Variants in KCNIP1 observed in about 807,000 individuals in gnomAD.
KCNIP1 encodes the protein A-type potassium channel modulatory protein KCNIP1.
A neutral mutation model predicts 33.0 loss-of-function variants in KCNIP1; 18 were observed. That is an observed-to-expected ratio of 0.55 (90% CI 0.38 to 0.81). KCNIP1 has a LOEUF of 0.81. Among genes scored for constraint, KCNIP1 ranks in the 30% least tolerant of loss-of-function variants. The pLI is 0.00. For synonymous variants in KCNIP1, 93 were observed against 98.3 expected, an observed-to-expected ratio of 0.95 and a Z score of 0.32; for missense variants, 238 against 271.6, an observed-to-expected ratio of 0.88 and a Z score of 0.87.
intron 1 of KCNIP1, among the ~76,000 whole-genome samples, chr5:170,626,027 G>A (rs1222150335): frequency 1.1e-4 from 16 of 152,198 alleles, no homozygotes; most frequent in African/African-American, 3.1e-4. Context: ...GGTGAGTGGC[G>A]TGGGATAAGG....
chr5:170,663,767 G>A (rs777998032), intron 1 of KCNIP1, among the ~76,000 whole-genome samples: 9 of 151,816 alleles, frequency 5.9e-5, no homozygotes, highest in South Asian at 2.1e-4. Flanking sequence ...AGTCTGCACC[G>A]AAATCTCTCT....
At chr5:170,596,868 C>T (rs1758457398) in intron 1 of KCNIP1, among the ~76,000 whole-genome samples, 1 of 152,214 alleles carries the variant, frequency 6.6e-6, no homozygotes, top group African/African-American at 2.4e-5. Context: ...AATCAAGGAT[C>T]AGAGCTTCTG....
intron 5 of KCNIP1, among the ~76,000 whole-genome samples, chr5:170,725,565 C>CA (rs1161193893): frequency 1.3e-5 from 2 of 151,154 alleles, no homozygotes; most frequent in South Asian, 2.1e-4. Context: ...TCAATGGGTA[C>CA]AAAAAAAATA....
chr5:170,378,487 C>T, intron 1 of KCNIP1: 1 of 585,388 alleles, frequency 1.7e-6, no homozygotes, highest in South Asian at 2.4e-5. Flanking sequence ...GCCTTATGGC[C>T]TCCAAGGCAT....
chr5:170,658,000 G>T (rs980229455), intron 1 of KCNIP1, among the ~76,000 whole-genome samples: 1 of 152,174 alleles, frequency 6.6e-6, no homozygotes, highest in Non-Finnish European at 1.5e-5. Context: ...CTCTCTAAGA[G>T]GTATCTAAGC....
intron 1 of KCNIP1, among the ~76,000 whole-genome samples, chr5:170,594,186 C>T (rs79150177): frequency 2.6e-5 from 4 of 152,284 alleles, no homozygotes; most frequent in East Asian, 1.9e-4. Flanking sequence ...TATGAAGCAC[C>T]GTAGGAGTTC....
chr5:170,698,815 C>T (rs1199599882), intron 1 of KCNIP1, among the ~76,000 whole-genome samples: 1 of 152,210 alleles, frequency 6.6e-6, no homozygotes, highest in African/African-American at 2.4e-5. Flanking sequence ...TTCATTATCT[C>T]ATTTAAATCT....
At chr5:170,428,166 C>T (rs1755654484) in intron 1 of KCNIP1, among the ~76,000 whole-genome samples, 2 of 152,000 alleles carry the variant, frequency 1.3e-5, no homozygotes, top group Admixed American at 6.6e-5. Flanking sequence ...ATTTGCTCTA[C>T]ATAAGAAAAA....
chr5:170,616,506 G>T (rs553189903), intron 1 of KCNIP1, among the ~76,000 whole-genome samples: 2 of 152,190 alleles, frequency 1.3e-5, no homozygotes, highest in Non-Finnish European at 2.9e-5. Flanking sequence ...TTCAGAGTCA[G>T]GTTGGAAGGA....
intron 1 of KCNIP1, among the ~76,000 whole-genome samples, chr5:170,381,574 C>T (rs1009800874): frequency 2.0e-5 from 3 of 152,232 alleles, no homozygotes; most frequent in Non-Finnish European, 4.4e-5. Context: ...ACACGAAGGG[C>T]ATTTCCACTG....
upstream of KCNIP1, among the ~76,000 whole-genome samples, chr5:170,501,206 G>C (rs546498318): frequency 1.3e-5 from 2 of 152,304 alleles, no homozygotes; most frequent in African/African-American, 4.8e-5. Flanking sequence ...GGGCCAGGGA[G>C]GGATCCCTGG....
chr5:170,456,725 C>CTTTCT (rs750736509), intron 1 of KCNIP1, among the ~76,000 whole-genome samples: 14 of 144,430 alleles, frequency 9.7e-5, no homozygotes, highest in South Asian at 4.4e-4. Context: ...TTCTTTCTTT[C>CTTTCT]TTGTTTCTTT....
At position 170,679,900 on chromosome 5, in the gene KCNIP1, C is replaced by T. The variant is rs553304218; in HGVS notation, c.62-38858C>T. Among the ~76,000 whole-genome samples, 71 of 152,028 alleles carry T rather than the reference C, an allele frequency of 4.7e-4. 2 individuals carry two copies. The South Asian group carries it at 9.2e-3, about 20-fold the overall frequency. ...TCTTTCAGTCTTTTACTGTTATAAACGAATGATGCAATGAATATCCTTGTA... is the reference window on the plus strand; with the variant it reads ...TCTTTCAGTCTTTTACTGTTATAAATGAATGATGCAATGAATATCCTTGTA... On this transcript the variant is annotated intron_variant, in intron 1 of 7. Coordinates refer to ENST00000328939, the MANE Select transcript of KCNIP1 (RefSeq NM_014592.4).
chr5:170,479,140 G>T (rs908312033), intron 1 of KCNIP1, among the ~76,000 whole-genome samples: 1 of 152,212 alleles, frequency 6.6e-6, no homozygotes, highest in Non-Finnish European at 1.5e-5. Context: ...TCACTAGCTG[G>T]AGGCGCTGAG....
chr5:170,462,690 C>T (rs1294107533), intron 1 of KCNIP1, among the ~76,000 whole-genome samples: 1 of 152,144 alleles, frequency 6.6e-6, no homozygotes, highest in Non-Finnish European at 1.5e-5. Flanking sequence ...CACATATTTA[C>T]AGCAGCACAA....
chr5:170,548,853 A>G (rs748362007), intron 1 of KCNIP1, among the ~76,000 whole-genome samples: 23 of 152,224 alleles, frequency 1.5e-4, no homozygotes, highest in Non-Finnish European at 3.1e-4. Flanking sequence ...ATTTAAAGGC[A>G]GTGGACCTAT....
At chr5:170,436,136 G>A (rs980743840) in intron 1 of KCNIP1, among the ~76,000 whole-genome samples, 1 of 152,192 alleles carries the variant, frequency 6.6e-6, no homozygotes, top group Non-Finnish European at 1.5e-5. Flanking sequence ...AGTTCTCCAG[G>A]GGGTTCTGAG....
At chr5:170,452,561 C>G (rs1756280140) in intron 1 of KCNIP1, among the ~76,000 whole-genome samples, 1 of 152,114 alleles carries the variant, frequency 6.6e-6, no homozygotes, top group Admixed American at 6.5e-5. Context: ...CTGTCACTTC[C>G]CATCTTCAGG....
intron 1 of KCNIP1, among the ~76,000 whole-genome samples, chr5:170,697,972 C>T (rs1581514768): frequency 6.6e-6 from 1 of 152,022 alleles, no homozygotes; most frequent in Non-Finnish European, 1.5e-5. Flanking sequence ...AATAACAAGT[C>T]CTGCCCTTTC....
Sources: gnomAD v4.1 joint callset for allele counts (sites outside exome capture counted in the v4.1 genomes callset) on GRCh38, gnomAD v4.1.1 for gene constraint, MANE v1.5 for transcripts, NCBI Gene and HGNC (gene_info 2026-07-23, HGNC 2026-07-21) for gene names.